The following PTPN6 variants were observed in gnomAD, a reference collection of about 807,000 sequenced individuals.
PTPN6 encodes the protein protein tyrosine phosphatase non-receptor type 6.
In PTPN6, 18 loss-of-function variants were observed where a neutral mutation model predicts 81.5. That is an observed-to-expected ratio of 0.22 (90% CI 0.15 to 0.33). The LOEUF is 0.33. Ranked by LOEUF, PTPN6 falls within the 10% of genes least tolerant of loss-of-function variation. The pLI, the probability that PTPN6 is intolerant of heterozygous loss-of-function variation, is 1.00. For missense variants in PTPN6, 500 were observed against 794.2 expected (o/e 0.63, Z 4.45); for synonymous variants, 301 against 310.9 (o/e 0.97, Z 0.33).
At position 6,960,454 on chromosome 12, in the gene PTPN6, CACT is replaced by C. The variant is rs782063843; in HGVS notation, c.1673+20_1673+22del. Reference sequence around the variant, plus strand: ...CGTCCAAGTGAGTGGCCCTGACTGCCACTGCCCGGCATCCACCCCTTTGTCCTG... The same window carrying C: ...CGTCCAAGTGAGTGGCCCTGACTGCCGCCCGGCATCCACCCCTTTGTCCTG... On this transcript the variant is annotated intron_variant, in intron 14 of 15. Transcript: ENST00000318974. The surrounding 1 kb of genome is among the most constrained non-coding windows in gnomAD (Gnocchi z 6.1). The C allele has an allele frequency of 3.1e-6, 5 of 1,607,250 alleles. No homozygotes were observed. The highest frequency in any genetic ancestry group is 1.3e-5 in the African/African-American group (1 of 74,798).
rs1946025637 is a variant in PTPN6, at chr12:6,956,133, C to T, written c.845-9C>T. The stretch of plus-strand genomic sequence containing the variant: ...CAGACCATCTCGCCTCCTCTCCGCC[C>T]ACTCCCAGTTGACCACAGCCGAGTG... On this transcript the variant is annotated splice_polypyrimidine_tract_variant and intron_variant, in intron 7 of 15. Transcript: ENST00000318974. This position sits in a 1 kb window ranked among gnomAD's most constrained non-coding sequence, Gnocchi z 4.1. 1 of 1,614,034 alleles carries T rather than the reference C, an allele frequency of 6.2e-7. No individual in the cohort carries two copies. The highest frequency in any genetic ancestry group is 1.1e-5 in the South Asian group (1 of 91,088).
Position 6,957,912 on chromosome 12 carries a change from G to A in PTPN6, c.1207-7G>A. 1.2e-6 allele frequency: 2 copies of A among 1,614,002 alleles called. No homozygotes were observed. The highest frequency in any genetic ancestry group is 1.7e-6 in the Non-Finnish European group (2 of 1,180,026). Reference sequence around the variant, plus strand: ...GAGGGGGCACTGACCCTATGTCCTCGGCTTAGGGAGACCTGATTCGGGAGA... The same window carrying A: ...GAGGGGGCACTGACCCTATGTCCTCAGCTTAGGGAGACCTGATTCGGGAGA... On this transcript the variant is annotated splice_region_variant and splice_polypyrimidine_tract_variant and intron_variant, in intron 10 of 15. Coordinates refer to ENST00000318974, the MANE Select transcript of PTPN6 (RefSeq NM_002831.6). This position sits in a 1 kb window ranked among gnomAD's most constrained non-coding sequence, Gnocchi z 6.5.
In PTPN6 at chr12:6,955,098, A is replaced by G; in HGVS notation, c.517-53A>G. On this transcript the variant is annotated intron_variant, in intron 4 of 15. Coordinates refer to ENST00000318974, the MANE Select transcript of PTPN6 (RefSeq NM_002831.6). The surrounding 1 kb of genome is among the most constrained non-coding windows in gnomAD (Gnocchi z 7.2). ...CCTGGGCTTGAATTCAAGGCTGGGG[A>G]CCCAGGGAGGGAGACTCAAGTCCTG... is the stretch of plus-strand genomic sequence containing the variant. The G allele has an allele frequency of 6.2e-7, 1 of 1,608,986 alleles. No homozygotes were observed. The highest frequency in any genetic ancestry group is 8.5e-7 in the Non-Finnish European group (1 of 1,175,472).
At position 6,954,655 on chromosome 12, in the gene PTPN6, G is replaced by A. The variant is rs1306806362; in HGVS notation, c.327-150G>A. On this transcript the variant is annotated intron_variant, in intron 3 of 15. Transcript: ENST00000318974. This position sits in a 1 kb window ranked among gnomAD's most constrained non-coding sequence, Gnocchi z 5.4. ...CCTAGCTCTCAGCATGTTTGTGAGA[G>A]ACCTAAATGAGGTGGTGGATTTGGA... is the stretch of plus-strand genomic sequence containing the variant. 3 of 729,010 alleles carry A rather than the reference G, an allele frequency of 4.1e-6. No homozygotes were observed. Among genetic ancestry groups the A allele is most frequent in the Non-Finnish European group, 6.9e-6 (3 of 436,130 alleles). The allele number at this position is 729,010 out of a possible 1,614,324, so 45.2% of individuals were successfully genotyped here.
At position 6,952,791 on chromosome 12, in the gene PTPN6, C is replaced by T. The variant is rs1443726076; in HGVS notation, c.326+614C>T. 6.4e-6 allele frequency: 1 copy of T among 157,204 alleles called. No homozygotes were observed. Among genetic ancestry groups the T allele is most frequent in the East Asian group, 1.9e-4 (1 of 5,270 alleles). The allele number at this position is 157,204 out of a possible 1,614,324, so 9.7% of individuals were successfully genotyped here. On this transcript the variant is annotated intron_variant, in intron 3 of 15. Transcript: ENST00000318974. This position sits in a 1 kb window ranked among gnomAD's most constrained non-coding sequence, Gnocchi z 8.1. ...CCCGGGCACAGAGTAATACTCCAGG[C>T]ATTTCCTTCCTGTGGCCTCCCCGAC...
upstream of PTPN6, among the ~76,000 whole-genome samples, chr12:6,947,545 C>T (rs1250219807): frequency 1.3e-5 from 2 of 151,676 alleles, no homozygotes; most frequent in African/African-American, 2.4e-5. Flanking sequence ...GGCACACGTC[C>T]TGTGGTTCCA....
Position 6,960,215 on chromosome 12 carries a change from TAAG to T in PTPN6, c.1564_1566del (p.Lys522del). 5.1e-6 allele frequency: 8 copies of T among 1,580,306 alleles called. No individual in the cohort carries two copies. Among genetic ancestry groups the T allele is most frequent in the Non-Finnish European group, 6.9e-6 (8 of 1,165,122 alleles). On this transcript the variant is annotated inframe_deletion, in exon 13 of 16. Coordinates refer to ENST00000318974, the MANE Select transcript of PTPN6 (RefSeq NM_002831.6). The surrounding 1 kb of genome is among the most constrained non-coding windows in gnomAD (Gnocchi z 6.1). ...CCATCGCCCAGTTCATTGAAACCAC[TAAG>T]AAGAAGCTGGAGGTCCTGCAGGTGC...
chr12:6,948,066 G>A (rs782098651), upstream of PTPN6, among the ~76,000 whole-genome samples: 16 of 151,850 alleles, frequency 1.1e-4, no homozygotes, highest in Non-Finnish European at 1.8e-4. Context: ...GGGGAAGATT[G>A]CTTGAGCTCA....
rs782314274 is a variant in PTPN6 at position 6,954,724 on chromosome 12, C to T, written c.327-81C>T. 3.9e-5 allele frequency: 56 copies of T among 1,422,484 alleles called. No individual in the cohort carries two copies. The highest frequency in any genetic ancestry group is 7.6e-5 in the Admixed American group (4 of 52,886). The allele number at this position is 1,422,484 out of a possible 1,614,324, so 88.1% of individuals were successfully genotyped here. ...TGGCACACAGTAGGTGCTTGATTTC[C>T]GGCCCCTCTCTGTGAATGTCTCTGC... On this transcript the variant is annotated intron_variant, in intron 3 of 15. Coordinates refer to ENST00000318974, the MANE Select transcript of PTPN6 (RefSeq NM_002831.6). The surrounding 1 kb of genome is among the most constrained non-coding windows in gnomAD (Gnocchi z 5.4).
chr12:6,960,875 G>T lies in PTPN6; in HGVS notation c.1743G>T (p.Arg581=), dbSNP rs782715671. ...GGGAGGAGAAAGTGAAGAAGCAGCGGTCAGCAGACAAGGAGAAGAGCAAGG... is the reference window on the plus strand; with the variant it reads ...GGGAGGAGAAAGTGAAGAAGCAGCGTTCAGCAGACAAGGAGAAGAGCAAGG... ...NKREEKVKKQ[R]SADKEKSKGS... is the part of the protein sequence containing the mutation. Residue 581 remains arginine (R), a synonymous_variant, in exon 15 of 16, where the codon CGG becomes CGT. Transcript: ENST00000318974. This position sits in a 1 kb window ranked among gnomAD's most constrained non-coding sequence, Gnocchi z 6.1. 6.3e-7 allele frequency: 1 copy of T among 1,580,310 alleles called. No homozygotes were observed. The highest frequency in any genetic ancestry group is 1.2e-5 in the South Asian group (1 of 86,558).
chr12:6,948,139 G>T (rs1945858810), upstream of PTPN6, among the ~76,000 whole-genome samples: 2 of 151,898 alleles, frequency 1.3e-5, no homozygotes, highest in South Asian at 4.2e-4. Flanking sequence ...AAAATACTGG[G>T]TATGATGGCC....
In PTPN6 at chr12:6,951,390, G is replaced by A. The variant is rs45530144; in HGVS notation, c.-123G>A. On this transcript the variant is annotated 5_prime_UTR_variant, in exon 1 of 16. Transcript: ENST00000318974. This position sits in a 1 kb window ranked among gnomAD's most constrained non-coding sequence, Gnocchi z 7.2. ...GCAGCCCCAGAACTGGGACCACCGG[G>A]GGTGGTGAGGCGGCCCGGCACTGGG... 6.5e-7 allele frequency: 1 copy of A among 1,547,712 alleles called. No homozygotes were observed. The highest frequency in any genetic ancestry group is 1.2e-5 in the South Asian group (1 of 84,178).
Position 6,956,958 on chromosome 12 carries a change from A to G in PTPN6, c.1074+390A>G, listed in dbSNP as rs1057132851. Among the ~76,000 whole-genome samples the G allele has an allele frequency of 2.6e-5, 4 of 152,110 alleles. No homozygotes were observed. Among genetic ancestry groups the G allele is most frequent in the Admixed American group, 6.5e-5 (1 of 15,270 alleles). On this transcript the variant is annotated intron_variant, in intron 9 of 15. Coordinates refer to ENST00000318974, the MANE Select transcript of PTPN6 (RefSeq NM_002831.6). This position sits in a 1 kb window ranked among gnomAD's most constrained non-coding sequence, Gnocchi z 4.1. ...CCCATCCGTGACACAAACTGGGTCA[A>G]GTTCCTTCCTTTCTGAAATCTCTTC... is the stretch of plus-strand genomic sequence containing the variant.
chr12:6,946,634 C>T, upstream of PTPN6: 2 of 1,087,304 alleles, frequency 1.8e-6, no homozygotes, highest in Non-Finnish European at 2.8e-6. Context: ...GGTTCTTCCT[C>T]ACCTGGCTTG....
chr12:6,950,900 CCT>C (rs1160921682), upstream of PTPN6, among the ~76,000 whole-genome samples: 1 of 152,244 alleles, frequency 6.6e-6, no homozygotes, highest in Admixed American at 6.5e-5. Flanking sequence ...AAAGATAGCC[CCT>C]GTTTCATAGG....
chr12:6,957,007 A>G lies in PTPN6; in HGVS notation c.1074+439A>G, dbSNP rs1946043512. ...TCCATGGCTCCTGGTCACCTTTGGGATAAAGTCGCACTCTAAGGCCTGGCA... is the reference window on the plus strand; with the variant it reads ...TCCATGGCTCCTGGTCACCTTTGGGGTAAAGTCGCACTCTAAGGCCTGGCA... On this transcript the variant is annotated intron_variant, in intron 9 of 15. Coordinates refer to ENST00000318974, the MANE Select transcript of PTPN6 (RefSeq NM_002831.6). The surrounding 1 kb of genome is among the most constrained non-coding windows in gnomAD (Gnocchi z 6.5). Among the ~76,000 whole-genome samples, 1 of 152,088 alleles carries G rather than the reference A, an allele frequency of 6.6e-6. No homozygotes were observed. Among genetic ancestry groups the G allele is most frequent in the African/African-American group, 2.4e-5 (1 of 41,410 alleles).
Position 6,952,337 on chromosome 12 carries a change from C to A in PTPN6, c.326+160C>A. 1 of 812,176 alleles carries A rather than the reference C, an allele frequency of 1.2e-6. No individual in the cohort carries two copies. Among genetic ancestry groups the A allele is most frequent in the Non-Finnish European group, 2.0e-6 (1 of 504,838 alleles). 50.3% of individuals were successfully genotyped at this position (812,176 alleles called of 1,614,324 possible). A position where few individuals can be genotyped will look rare whatever the true frequency, so the allele number is the denominator to read the frequency against. On this transcript the variant is annotated intron_variant, in intron 3 of 15. Coordinates refer to ENST00000318974, the MANE Select transcript of PTPN6 (RefSeq NM_002831.6). The surrounding 1 kb of genome is among the most constrained non-coding windows in gnomAD (Gnocchi z 8.1). The stretch of plus-strand genomic sequence containing the variant: ...TCTCAATGTCCCTCCTCCCTGCTGT[C>A]CTGGGACCTGGTGTCTCAGAGCCTA...
rs1238476362 is a variant in PTPN6, at chr12:6,952,423, G to A, written c.326+246G>A. 5.2e-6 allele frequency: 3 copies of A among 574,478 alleles called. No homozygotes were observed. Among genetic ancestry groups the A allele is most frequent in the East Asian group, 3.0e-5 (1 of 33,548 alleles). 35.6% of individuals were successfully genotyped at this position (574,478 alleles called of 1,614,324 possible). A position where few individuals can be genotyped will look rare whatever the true frequency, so the allele number is the denominator to read the frequency against. On this transcript the variant is annotated intron_variant, in intron 3 of 15. Transcript: ENST00000318974. This position sits in a 1 kb window ranked among gnomAD's most constrained non-coding sequence, Gnocchi z 8.1. ...ACAGAAAGCTGCCTCGCCCTACTCC[G>A]GGAGCCCTGGCCGCTGCAACCCAGG...
Position 6,956,075 on chromosome 12 carries a change from T to C in PTPN6, c.845-67T>C. On this transcript the variant is annotated intron_variant, in intron 7 of 15. Transcript: ENST00000318974. This position sits in a 1 kb window ranked among gnomAD's most constrained non-coding sequence, Gnocchi z 4.1. Reference sequence around the variant, plus strand: ...AGAATGGCCTGTTAGCTCAGGAGGGTCTGACCCAGGTGTGGTGAGTCCCTG... The same window carrying C: ...AGAATGGCCTGTTAGCTCAGGAGGGCCTGACCCAGGTGTGGTGAGTCCCTG... The C allele has an allele frequency of 1.3e-6, 2 of 1,520,334 alleles. No individual in the cohort carries two copies. Among genetic ancestry groups the C allele is most frequent in the Non-Finnish European group, 1.8e-6 (2 of 1,096,184 alleles). The allele number at this position is 1,520,334 out of a possible 1,614,324, so 94.2% of individuals were successfully genotyped here. A position where few individuals can be genotyped will look rare whatever the true frequency, so the allele number is the denominator to read the frequency against.
Sources: gnomAD v4.1 joint callset for allele counts (sites outside exome capture counted in the v4.1 genomes callset) on GRCh38, gnomAD v4.1.1 for gene constraint, Gnocchi (gnomAD v3.1) non-coding constraint, MANE v1.5 for transcripts, NCBI Gene and HGNC (gene_info 2026-07-23, HGNC 2026-07-21) for gene names.